Variants in FBXO47 observed in about 807,000 individuals in gnomAD.
FBXO47 encodes F-box only protein 47.
Under a neutral mutation model 53.9 loss-of-function variants are expected in FBXO47, and 34 were observed. That is an observed-to-expected ratio of 0.63 (90% CI 0.48 to 0.84). The LOEUF (loss-of-function observed/expected upper bound fraction) is 0.84. Ranked by LOEUF, FBXO47 falls within the 40% of genes least tolerant of loss-of-function variation. The pLI, the probability that FBXO47 is intolerant of heterozygous loss-of-function variation, is 0.00. For synonymous variants in FBXO47, 165 were observed against 181.6 expected (o/e 0.91, Z 0.73); for missense variants, 485 against 541.3 (o/e 0.90, Z 1.03).
intron 9 of FBXO47, among the ~76,000 whole-genome samples, chr17:38,940,965 C>G (rs922811469): frequency 6.6e-6 from 1 of 151,766 alleles, no homozygotes; most frequent in Non-Finnish European, 1.5e-5. Context: ...AGACATGAAC[C>G]AATGCACTCA....
At chr17:38,941,616 A>ATTT (rs1022510888) in intron 9 of FBXO47, among the ~76,000 whole-genome samples, 2 of 104,024 alleles carry the variant, frequency 1.9e-5, no homozygotes, top group Non-Finnish European at 3.7e-5. Flanking sequence ...AAATAAATAT[A>ATTT]ATATTATATA....
intron 1 of FBXO47, among the ~76,000 whole-genome samples, chr17:38,964,908 C>T (rs1258912621): frequency 3.9e-5 from 6 of 152,118 alleles, no homozygotes; most frequent in African/African-American, 1.2e-4. Flanking sequence ...ACCTCCCCCT[C>T]CCAGGTTCAA....
chr17:38,950,435 G>A (rs2143931452), intron 6 of FBXO47, among the ~76,000 whole-genome samples: 1 of 149,702 alleles, frequency 6.7e-6, no homozygotes, highest in South Asian at 2.1e-4. Flanking sequence ...CCAGGCTGGA[G>A]TGCAGTGACT....
intron 3 of FBXO47, among the ~76,000 whole-genome samples, chr17:38,958,020 G>A (rs1439860327): frequency 1.3e-5 from 2 of 152,014 alleles, no homozygotes; most frequent in African/African-American, 2.4e-5. Flanking sequence ...TTTTAGTGAC[G>A]AGGTTTCACC....
At chr17:38,946,927 C>T (rs1348787689) in intron 6 of FBXO47, among the ~76,000 whole-genome samples, 1,104 of 107,004 alleles carry the variant, frequency 0.01, 36 homozygotes, top group African/African-American at 0.043. Flanking sequence ...CATATATAAA[C>T]ATATAAATAT....
intron 9 of FBXO47, 51 bp downstream of exon 9, chr17:38,942,727 G>A (rs942803834): frequency 1.3e-6 from 2 of 1,497,580 alleles, no homozygotes; most frequent in Non-Finnish European, 1.8e-6. Flanking sequence ...CTCCCTGTAG[G>A]TCAATTGTAG....
intron 10 of FBXO47, among the ~76,000 whole-genome samples, chr17:38,937,652 C>T (rs180699084): frequency 6.6e-6 from 1 of 151,858 alleles, no homozygotes; most frequent in African/African-American, 2.4e-5. Context: ...TCTAATTTTC[C>T]CTAGTAATAT....
Position 38,953,010 on chromosome 17 carries a change from C to A in FBXO47, c.508-1321G>T, listed in dbSNP as rs184510466. Among the ~76,000 whole-genome samples the A allele has an allele frequency of 5.0e-3, 752 of 151,578 alleles. 9 individuals are homozygous for A. The highest frequency in any genetic ancestry group is 0.017 in the African/African-American group (719 of 41,338). On this transcript the variant is annotated intron_variant, in intron 5 of 10. Transcript: ENST00000378079. ...CACTTTCATTGGCTGGGCACAGCAG[C>A]TCATGCCTGTAATCCTAGCACTTTG...
intron 6 of FBXO47, among the ~76,000 whole-genome samples, chr17:38,950,843 C>T (rs779446144): frequency 3.9e-5 from 6 of 152,014 alleles, no homozygotes; most frequent in African/African-American, 7.2e-5. Flanking sequence ...CTGTCTTATT[C>T]GATATTTATC....
chr17:38,961,958 G>C lies in FBXO47; in HGVS notation c.271C>G (p.Leu91Val). 6.2e-7 allele frequency: 1 copy of C among 1,614,046 alleles called. No homozygotes were observed. Among genetic ancestry groups the C allele is most frequent in the Non-Finnish European group, 8.5e-7 (1 of 1,179,974 alleles). Residue 91 changes from leucine to valine, a missense_variant, in exon 3 of 11, where the codon CTT becomes GTT. Leu to Val is a conservative substitution (Grantham distance 32). Transcript: ENST00000378079. The stretch of plus-strand genomic sequence containing the variant: ...AGGTTATGAAAGTCCTGTAGTAAAA[G>C]TCTTTTGCTTCCTGATGAGGTTGAG... ...YISTSSGSKR[L>V]LLQDFHNLEL...
At chr17:38,938,882 C>T (rs1904369028) in intron 9 of FBXO47, 150 bp from the exon 10 acceptor site, 1 of 572,866 alleles carries the variant, frequency 1.7e-6, no homozygotes, top group Non-Finnish European at 2.9e-6. Context: ...GGGAAATGCT[C>T]TTCTATCTAA....
chr17:38,965,231 C>A (rs1034367185), intron 1 of FBXO47, among the ~76,000 whole-genome samples: 4 of 152,094 alleles, frequency 2.6e-5, no homozygotes, highest in African/African-American at 9.7e-5. Context: ...AAAACAATGT[C>A]TTTTGTGTAT....
At chr17:38,946,335 TATATATAAATATATAA>T (rs1261336452) in intron 6 of FBXO47, among the ~76,000 whole-genome samples, 18 of 91,090 alleles carry the variant, frequency 2.0e-4, no homozygotes, top group African/African-American at 8.2e-4. Context: ...AATATATAAA[TATATATAAATATATAA>T]ATATATATAA....
chr17:38,953,608 G>C (rs1905412845), intron 5 of FBXO47, among the ~76,000 whole-genome samples: 1 of 152,148 alleles, frequency 6.6e-6, no homozygotes, highest in Non-Finnish European at 1.5e-5. Flanking sequence ...CTGGGCGACA[G>C]AGTGAGACTC....
chr17:38,961,977 G>A lies in FBXO47; in HGVS notation c.252C>T (p.Thr84=), dbSNP rs1437833803. Residue 84 remains threonine, a synonymous_variant, in exon 3 of 11, where the codon ACC becomes ACT. Coordinates refer to ENST00000378079, the MANE Select transcript of FBXO47 (RefSeq NM_001008777.3). ...VSQHIINYIS[T]SSGSKRLLLQ... ...GTAAAAGTCTTTTGCTTCCTGATGA[G>A]GTTGAGATATAATTAATAATGTGTT... The A allele has an allele frequency of 1.2e-6, 2 of 1,613,850 alleles. No individual in the cohort carries two copies. Among genetic ancestry groups the A allele is most frequent in the Non-Finnish European group, 1.7e-6 (2 of 1,179,940 alleles).
At chr17:38,941,840 T>G (rs1904526928) in intron 9 of FBXO47, among the ~76,000 whole-genome samples, 1 of 151,264 alleles carries the variant, frequency 6.6e-6, no homozygotes. Flanking sequence ...ACCGAGCTAA[T>G]TTTTGTATTT....
intron 4 of FBXO47, among the ~76,000 whole-genome samples, 173 bp from the exon 5 acceptor site, chr17:38,955,106 G>A (rs576893908): frequency 2.6e-5 from 4 of 152,194 alleles, no homozygotes; most frequent in Admixed American, 6.5e-5. Context: ...TAAAAGTCTC[G>A]GCTGCGCGCG....
intron 1 of FBXO47, among the ~76,000 whole-genome samples, chr17:38,965,281 CTCCT>C (rs1412652257): frequency 6.6e-6 from 1 of 152,216 alleles, no homozygotes; most frequent in African/African-American, 2.4e-5. Context: ...CAATCGAAGG[CTCCT>C]TGTTTCTGAA....
intron 5 of FBXO47, among the ~76,000 whole-genome samples, chr17:38,954,638 G>C (rs1366565745): frequency 2.0e-5 from 3 of 151,916 alleles, no homozygotes; most frequent in Non-Finnish European, 4.4e-5. Context: ...TGGTTTGGGG[G>C]ATAAATAAAT....
Sources: gnomAD v4.1 joint callset for allele counts (sites outside exome capture counted in the v4.1 genomes callset) on GRCh38, gnomAD v4.1.1 for gene constraint, MANE v1.5 for transcripts, NCBI Gene and HGNC (gene_info 2026-07-23, HGNC 2026-07-21) for gene names.